The following EXOC4 variants were observed in gnomAD, a reference collection of about 807,000 sequenced individuals.
The protein encoded by EXOC4 is exocyst complex component 4.
Under a neutral mutation model 107.2 loss-of-function variants are expected in EXOC4, and 71 were observed. The ratio of observed to expected loss-of-function variants is 0.66; its 90% CI spans 0.55 to 0.81. The LOEUF (loss-of-function observed/expected upper bound fraction) is 0.81, where lower values mean the gene tolerates loss of function less well. Among genes scored for constraint, EXOC4 ranks in the 30% least tolerant of loss-of-function variants. The probability of loss-of-function intolerance (pLI) is 0.00; values close to 1 mark genes in which losing one functional copy is unlikely to be tolerated. For missense variants in EXOC4, 1,108 were observed against 1,189.6 expected (o/e 0.93, Z 1.01); for synonymous variants, 456 against 441.2 (o/e 1.03, Z -0.42).
At chr7:134,068,911 G>A (rs1476129201), downstream of EXOC4, among the ~76,000 whole-genome samples, 1 of 152,200 alleles carries the variant, frequency 6.6e-6, no homozygotes, top group Non-Finnish European at 1.5e-5. Flanking sequence ...AGAATTGCCT[G>A]TTACAGCTCA....
At chr7:133,601,026 C>T (rs1191911233) in intron 9 of EXOC4, among the ~76,000 whole-genome samples, 1 of 152,154 alleles carries the variant, frequency 6.6e-6, no homozygotes, top group Non-Finnish European at 1.5e-5. Flanking sequence ...CCTGGGTTGT[C>T]CTGTAAGAGT....
At chr7:134,080,281 CT>C in the EXOC4 span, among the ~76,000 whole-genome samples, 1 of 152,224 alleles carries the variant, frequency 6.6e-6, no homozygotes, top group East Asian at 1.9e-4. Flanking sequence ...AAAAAAGGAG[CT>C]TAAGAAGGTT....
intron 10 of EXOC4, among the ~76,000 whole-genome samples, chr7:133,805,943 A>G (rs1004573943): frequency 3.9e-5 from 6 of 152,346 alleles, no homozygotes; most frequent in East Asian, 3.9e-4. Context: ...CTCATTTTGT[A>G]AGAACCTGAA....
At chr7:133,789,315 C>G (rs1161566661) in intron 10 of EXOC4, among the ~76,000 whole-genome samples, 1 of 152,144 alleles carries the variant, frequency 6.6e-6, no homozygotes, top group Non-Finnish European at 1.5e-5. Flanking sequence ...AAGATTACAG[C>G]CACACAGAAG....
intron 10 of EXOC4, among the ~76,000 whole-genome samples, chr7:133,756,769 C>G (rs536755569): frequency 3.9e-5 from 6 of 152,080 alleles, no homozygotes; most frequent in Non-Finnish European, 7.4e-5. Context: ...TATTATGCAA[C>G]CAAGAAAGTA....
intron 7 of EXOC4, among the ~76,000 whole-genome samples, chr7:133,415,760 T>C (rs1026033503): frequency 3.9e-5 from 6 of 152,102 alleles, no homozygotes; most frequent in African/African-American, 1.5e-4. Flanking sequence ...TACATAGCTG[T>C]TATATTATTT....
rs1188325022 is a variant in EXOC4, at chr7:133,689,101, C to T, written c.1514+58960C>T. ...TAGGTAGAATAACCAACACACCCAGCAATTTCTCAGTGAATGGCTGTCATA... is the reference window on the plus strand; with the variant it reads ...TAGGTAGAATAACCAACACACCCAGTAATTTCTCAGTGAATGGCTGTCATA... On this transcript the variant is annotated intron_variant, in intron 10 of 17. Transcript: ENST00000253861. Among the ~76,000 whole-genome samples, 5 of 152,156 alleles carry T rather than the reference C, an allele frequency of 3.3e-5. No homozygotes were observed. The East Asian group carries it at 9.6e-4, about 29-fold the overall frequency.
chr7:133,761,539 A>G (rs1389245677), intron 10 of EXOC4, among the ~76,000 whole-genome samples: 1 of 152,142 alleles, frequency 6.6e-6, no homozygotes, highest in East Asian at 1.9e-4. Flanking sequence ...TCTTTACAAA[A>G]CAGTGAACTG....
intron 10 of EXOC4, among the ~76,000 whole-genome samples, chr7:133,783,999 C>T (rs1253539477): frequency 6.6e-6 from 1 of 152,166 alleles, no homozygotes; most frequent in African/African-American, 2.4e-5. Flanking sequence ...TCCTTCTGCT[C>T]TTAAAGAATA....
At chr7:133,823,876 A>AT (rs1485639001) in intron 11 of EXOC4, among the ~76,000 whole-genome samples, 1 of 16,376 alleles carries the variant, frequency 6.1e-5, no homozygotes, top group Non-Finnish European at 9.1e-5. Context: ...TATATATTAT[A>AT]TATATATATA....
intron 9 of EXOC4, among the ~76,000 whole-genome samples, chr7:133,489,573 C>G (rs1296436992): frequency 6.6e-6 from 1 of 152,192 alleles, no homozygotes; most frequent in Non-Finnish European, 1.5e-5. Context: ...CCCAACTTAC[C>G]TGCTCCCTCC....
chr7:133,723,259 C>T (rs899904929), intron 10 of EXOC4, among the ~76,000 whole-genome samples: 5 of 152,178 alleles, frequency 3.3e-5, no homozygotes, highest in African/African-American at 9.7e-5. Context: ...TGTGCTGCAG[C>T]TGGCACTAGC....
chr7:133,317,183 G>A, intron 4 of EXOC4, 101 bp from the exon 5 acceptor site: 1 of 739,560 alleles, frequency 1.4e-6, no homozygotes, highest in South Asian at 1.6e-5. Context: ...AGTGTAAAGA[G>A]GGCTCATGAC....
At chr7:133,569,129 A>G (rs942689934) in intron 9 of EXOC4, among the ~76,000 whole-genome samples, 2 of 148,442 alleles carry the variant, frequency 1.3e-5, no homozygotes, top group Admixed American at 6.7e-5. Flanking sequence ...TCCCTTTGAG[A>G]AAAAAAAGAA....
chr7:133,936,025 T>A (rs1301393101), intron 13 of EXOC4, among the ~76,000 whole-genome samples: 23 of 152,206 alleles, frequency 1.5e-4, no homozygotes, highest in Non-Finnish European at 2.8e-4. Context: ...AACCTGGGTT[T>A]ATCTCACTTT....
intron 14 of EXOC4, among the ~76,000 whole-genome samples, chr7:133,978,103 C>G (rs1261681186): frequency 1.3e-5 from 2 of 152,172 alleles, no homozygotes; most frequent in Non-Finnish European, 2.9e-5. Flanking sequence ...ACTCTTCAAC[C>G]CAGGTTCAAA....
At chr7:133,519,865 G>T (rs1563094950) in intron 9 of EXOC4, among the ~76,000 whole-genome samples, 1 of 152,084 alleles carries the variant, frequency 6.6e-6, no homozygotes, top group Non-Finnish European at 1.5e-5. Context: ...GGTTCTTACT[G>T]GAAAGGATGT....
chr7:133,443,119 AG>A (rs749571133), intron 7 of EXOC4, among the ~76,000 whole-genome samples: 132 of 152,284 alleles, frequency 8.7e-4, no homozygotes, highest in Non-Finnish European at 1.6e-3. Context: ...ATTTCCCTGT[AG>A]GGGTGGTGTT....
At chr7:133,521,950 T>C (rs1799988949) in intron 9 of EXOC4, among the ~76,000 whole-genome samples, 1 of 151,834 alleles carries the variant, frequency 6.6e-6, no homozygotes, top group African/African-American at 2.4e-5. Context: ...TATGTGTTTG[T>C]AACTTTAACA....
Sources: gnomAD v4.1 joint callset for allele counts (sites outside exome capture counted in the v4.1 genomes callset) on GRCh38, gnomAD v4.1.1 for gene constraint, MANE v1.5 for transcripts, NCBI Gene and HGNC (gene_info 2026-07-23, HGNC 2026-07-21) for gene names.